TRIM29: variants seen among roughly 807,000 people sequenced by gnomAD.
The protein encoded by TRIM29 is tripartite motif containing 29.
In TRIM29, 52 loss-of-function variants were observed where a neutral mutation model predicts 57.3. The ratio of observed to expected loss-of-function variants is 0.91; its 90% CI spans 0.73 to 1.14. The LOEUF (loss-of-function observed/expected upper bound fraction) is 1.14. Ranked by LOEUF, TRIM29 falls within the 50% of genes most tolerant of loss-of-function variation. The pLI is 0.00. For missense variants in TRIM29, 753 were observed against 774.6 expected (o/e 0.97, Z 0.33); for synonymous variants, 319 against 316.9 (o/e 1.01, Z -0.07).
At chr11:120,119,610 C>T (rs1247204595) in intron 6 of TRIM29, among the ~76,000 whole-genome samples, 1 of 152,214 alleles carries the variant, frequency 6.6e-6, no homozygotes, top group South Asian at 2.1e-4. Context: ...ACAGCTCTGT[C>T]CTCAAGGTGC....
chr11:120,123,134 A>G (rs1168264049), intron 4 of TRIM29, 79 bp from the exon 5 acceptor site: 6 of 1,196,342 alleles, frequency 5.0e-6, no homozygotes, highest in Admixed American at 1.7e-5. Context: ...TGGGGCTCAG[A>G]TGAGTCACCC....
intron 1 of TRIM29, 147 bp from the exon 2 acceptor site, chr11:120,128,642 C>T: frequency 6.5e-7 from 1 of 1,527,980 alleles, no homozygotes; most frequent in Non-Finnish European, 8.8e-7. Flanking sequence ...AAACATTCAT[C>T]AGGACCTCGG....
At chr11:120,127,613 T>C in intron 2 of TRIM29, 44 bp from the exon 3 acceptor site, 1 of 1,568,266 alleles carries the variant, frequency 6.4e-7, no homozygotes. Context: ...GGGCTTTAGT[T>C]AGGGAAAGAA....
intron 5 of TRIM29, 22 bp downstream of exon 5, chr11:120,122,932 G>A (rs984879090): frequency 1.1e-5 from 18 of 1,607,530 alleles, no homozygotes; most frequent in Non-Finnish European, 1.5e-5. Flanking sequence ...CACTAGGTCT[G>A]GGGTGAGGGG....
chr11:120,115,430 A>G lies in TRIM29; in HGVS notation c.1628-16T>C, dbSNP rs773480500. 5 of 1,611,904 alleles carry G rather than the reference A, an allele frequency of 3.1e-6. No homozygotes were observed. Among genetic ancestry groups the G allele is most frequent in the Non-Finnish European group, 4.2e-6 (5 of 1,178,944 alleles). On this transcript the variant is annotated splice_polypyrimidine_tract_variant and intron_variant, in intron 7 of 8. Transcript: ENST00000341846. ...GAGGGATAGCCTGGGAAGACAAGAG[A>G]TTCAGGTCAAAGGGAGCAGCGCTGG...
chr11:120,132,665 T>G (rs1863742931), intron 1 of TRIM29, among the ~76,000 whole-genome samples: 1 of 152,224 alleles, frequency 6.6e-6, no homozygotes, highest in South Asian at 2.1e-4. Flanking sequence ...AGGAGAGGAC[T>G]GGCCATGATC....
At chr11:120,126,070 A>G in intron 3 of TRIM29, 181 bp from the exon 4 acceptor site, 1 of 633,098 alleles carries the variant, frequency 1.6e-6, no homozygotes, top group Non-Finnish European at 2.7e-6. Flanking sequence ...CTGGATGCTA[A>G]CATCCCTGAT....
intron 1 of TRIM29, among the ~76,000 whole-genome samples, chr11:120,134,631 T>A (rs1409004506): frequency 6.6e-6 from 1 of 152,146 alleles, no homozygotes; most frequent in Non-Finnish European, 1.5e-5. Context: ...ATGCTGCAGG[T>A]GCACATGTGT....
rs561234145 is a variant in TRIM29, at chr11:120,130,369, C to T, written c.805-1874G>A. 3.3e-5 allele frequency among the ~76,000 whole-genome samples: 5 copies of T among 152,324 alleles called. No homozygotes were observed. The East Asian group carries it at 7.7e-4, about 23-fold the overall frequency. On this transcript the variant is annotated intron_variant, in intron 1 of 8. Transcript: ENST00000341846. ...CTGGGTTCCTCACCCCACCTTACCA[C>T]CCCGAGGACAAGGTCTGATGGAAAG...
intron 4 of TRIM29, 94 bp from the exon 5 acceptor site, chr11:120,123,149 G>T: frequency 1.0e-6 from 1 of 997,200 alleles, no homozygotes; most frequent in Non-Finnish European, 1.6e-6. Flanking sequence ...TCACCCCATA[G>T]CCCTTCCCCT....
Position 120,137,969 on chromosome 11 carries a change from G to A in TRIM29, c.63C>T (p.Ser21=). ...GSSPEARDAR[S]PSGPSGSLEN... The stretch of plus-strand genomic sequence containing the variant: ...CCAGGCTGCCACTGGGGCCCGACGG[G>A]CTCCGGGCATCCCTGGCTTCTGGGC... The change falls in exon 1 of 9, where the codon AGC becomes AGT. Residue 21 remains serine (S), a synonymous_variant. Coordinates refer to ENST00000341846, the MANE Select transcript of TRIM29 (RefSeq NM_012101.4). The surrounding 1 kb of genome is among the most constrained non-coding windows in gnomAD (Gnocchi z 6.2). 6.2e-7 allele frequency: 1 copy of A among 1,605,728 alleles called. No homozygotes were observed. The highest frequency in any genetic ancestry group is 1.1e-5 in the South Asian group (1 of 91,064).
chr11:120,113,017 C>G (rs1863173139), intron 8 of TRIM29, among the ~76,000 whole-genome samples: 1 of 152,174 alleles, frequency 6.6e-6, no homozygotes, highest in Admixed American at 6.5e-5. Flanking sequence ...AGCAGGCTGC[C>G]TCCAAAACCC....
chr11:120,118,251 G>C lies in TRIM29; in HGVS notation c.1599C>G (p.Val533=). Residue 533 remains valine, a synonymous_variant, in exon 7 of 9, where the codon GTC becomes GTG. Transcript: ENST00000341846. ...TCAGGGAGAAGGAGGAGCTGCCTTGGACGACGGGCAGGTCATTGTCAGAGT... is the reference window on the plus strand; with the variant it reads ...TCAGGGAGAAGGAGGAGCTGCCTTGCACGACGGGCAGGTCATTGTCAGAGT... ...IQNSDNDLPV[V]QGSSSFSLKG... The C allele has an allele frequency of 6.2e-7, 1 of 1,614,072 alleles. No homozygotes were observed. Among genetic ancestry groups the C allele is most frequent in the East Asian group, 2.2e-5 (1 of 44,866 alleles).
At chr11:120,118,384 A>T in intron 6 of TRIM29, 63 bp from the exon 7 acceptor site, 1 of 1,324,878 alleles carries the variant, frequency 7.5e-7, no homozygotes, top group Non-Finnish European at 1.1e-6. Flanking sequence ...AGGCAGGACC[A>T]GGACACAGCC....
chr11:120,137,582 C>T lies in TRIM29; in HGVS notation c.450G>A (p.Arg150=), dbSNP rs756376644. 1 of 1,612,766 alleles carries T rather than the reference C, an allele frequency of 6.2e-7. No individual in the cohort carries two copies. Among genetic ancestry groups the T allele is most frequent in the Admixed American group, 1.7e-5 (1 of 60,014 alleles). Residue 150 remains arginine (R), a synonymous_variant, in exon 1 of 9, where the codon CGG becomes CGA. Transcript: ENST00000341846. The surrounding 1 kb of genome is among the most constrained non-coding windows in gnomAD (Gnocchi z 6.2). ...VSIMEPGETR[R]NSYPRADTGL... ...CCGTGTCGGCCCGGGGGTAGCTGTTCCGCCGGGTCTCCCCGGGCTCCATGA... is the reference window on the plus strand; with the variant it reads ...CCGTGTCGGCCCGGGGGTAGCTGTTTCGCCGGGTCTCCCCGGGCTCCATGA...
At chr11:120,115,191 A>G in intron 8 of TRIM29, 147 bp downstream of exon 8, 2 of 748,628 alleles carry the variant, frequency 2.7e-6, no homozygotes, top group South Asian at 1.6e-5. Flanking sequence ...GTGTACAGGT[A>G]TTCAGGCCAC....
rs470645 is a variant in TRIM29, at chr11:120,137,181, G to T, written c.804+47C>A. On this transcript the variant is annotated intron_variant, in intron 1 of 8. Coordinates refer to ENST00000341846, the MANE Select transcript of TRIM29 (RefSeq NM_012101.4). This position sits in a 1 kb window ranked among gnomAD's most constrained non-coding sequence, Gnocchi z 6.2. The stretch of plus-strand genomic sequence containing the variant: ...AGAAGATGAAGTTCGGAGGGGTGGG[G>T]TGAGAGAGGAGAGGCCTGGAGGGGC... 691,917 of 1,596,090 alleles carry T rather than the reference G, an allele frequency of 0.43. 151,738 individuals are homozygous for T. The highest frequency in any genetic ancestry group is 0.51 in the African/African-American group (37,727 of 74,626).
At chr11:120,125,964 TCA>T in intron 3 of TRIM29, 75 bp from the exon 4 acceptor site, 2 of 1,471,690 alleles carry the variant, frequency 1.4e-6, no homozygotes, top group Non-Finnish European at 1.9e-6. Flanking sequence ...CCAGGGGCTC[TCA>T]CAGTGCAGCT....
At chr11:120,126,537 C>T (rs1863594668) in intron 3 of TRIM29, among the ~76,000 whole-genome samples, 1 of 152,202 alleles carries the variant, frequency 6.6e-6, no homozygotes, top group African/African-American at 2.4e-5. Flanking sequence ...AGCCACCATG[C>T]CCAGCCCACA....
Sources: allele counts gnomAD v4.1 joint callset (sites outside exome capture counted in the v4.1 genomes callset), GRCh38; gene constraint gnomAD v4.1.1; non-coding constraint Gnocchi (gnomAD v3.1); transcripts MANE v1.5; gene names NCBI Gene and HGNC (gene_info 2026-07-23, HGNC 2026-07-21).